Variants in DLGAP1 observed in about 807,000 individuals in gnomAD.
The protein encoded by DLGAP1 is DLG associated protein 1.
Under a neutral mutation model 90.8 loss-of-function variants are expected in DLGAP1, and 11 were observed. That is an observed-to-expected ratio of 0.12 (90% CI 0.08 to 0.20). The LOEUF (loss-of-function observed/expected upper bound fraction) is 0.20, where lower values mean the gene tolerates loss of function less well. Ranked by LOEUF, DLGAP1 falls within the 10% of genes least tolerant of loss-of-function variation. The probability of loss-of-function intolerance (pLI) is 1.00; values close to 1 mark genes in which losing one functional copy is unlikely to be tolerated. For missense variants in DLGAP1, 1,050 were observed against 1,333.8 expected (o/e 0.79, Z 3.31); for synonymous variants, 558 against 540.7 (o/e 1.03, Z -0.44).
chr18:4,429,084 T>C (rs749898992), intron 1 of DLGAP1, among the ~76,000 whole-genome samples: 1 of 152,228 alleles, frequency 6.6e-6, no homozygotes, highest in Non-Finnish European at 1.5e-5. Flanking sequence ...AGAGTTACTG[T>C]GTTATTACCT....
At chr18:3,872,444 T>G (rs2148804324) in intron 4 of DLGAP1, among the ~76,000 whole-genome samples, 1 of 152,218 alleles carries the variant, frequency 6.6e-6, no homozygotes, top group East Asian at 1.9e-4. Context: ...AATTACCTAT[T>G]GTGGTTTTAA....
At chr18:3,851,046 A>T (rs2069309053) in intron 4 of DLGAP1, among the ~76,000 whole-genome samples, 1 of 152,210 alleles carries the variant, frequency 6.6e-6, no homozygotes, top group South Asian at 2.1e-4. Context: ...CAGCAAAACC[A>T]GCAGAAAATC....
At chr18:4,395,266 G>A (rs774892619) in intron 1 of DLGAP1, among the ~76,000 whole-genome samples, 15 of 152,276 alleles carry the variant, frequency 9.9e-5, no homozygotes, top group Admixed American at 2.0e-4. Context: ...TAACTTTTAT[G>A]TAATATTTTC....
chr18:3,859,839 G>A (rs1024083776), intron 4 of DLGAP1, among the ~76,000 whole-genome samples: 1 of 152,108 alleles, frequency 6.6e-6, no homozygotes, highest in Non-Finnish European at 1.5e-5. Context: ...GGTGGCTCAC[G>A]CCTGTAATCC....
chr18:4,039,934 T>C (rs950440319), intron 2 of DLGAP1, among the ~76,000 whole-genome samples: 1 of 152,248 alleles, frequency 6.6e-6, no homozygotes, highest in Non-Finnish European at 1.5e-5. Flanking sequence ...GTCAGCATCA[T>C]ACATTTCCAT....
In DLGAP1 at chr18:4,342,141, T is replaced by C. The variant is rs889998340; in HGVS notation, c.-267+112865A>G. ...GAATTTTAAAAGACACAAGATTCAA[T>C]ACCTGGCAATATTCAACAGACTCAA... is the stretch of plus-strand genomic sequence containing the variant. On this transcript the variant is annotated intron_variant, in intron 1 of 12. Transcript: ENST00000315677. This position sits in a 1 kb window ranked among gnomAD's most constrained non-coding sequence, Gnocchi z 5.8. Among the ~76,000 whole-genome samples, 7 of 152,124 alleles carry C rather than the reference T, an allele frequency of 4.6e-5. No individual in the cohort carries two copies. The highest frequency in any genetic ancestry group is 2.0e-4 in the Admixed American group (3 of 15,280).
chr18:3,588,399 C>T (rs995144737), intron 7 of DLGAP1, among the ~76,000 whole-genome samples: 3 of 151,120 alleles, frequency 2.0e-5, no homozygotes, highest in African/African-American at 7.3e-5. Context: ...GCGGAGGTTG[C>T]GGTGAGCCGA....
intron 1 of DLGAP1, among the ~76,000 whole-genome samples, chr18:4,445,022 C>A (rs2083626621): frequency 6.6e-6 from 1 of 152,198 alleles, no homozygotes; most frequent in African/African-American, 2.4e-5. Flanking sequence ...CTACTAGTAT[C>A]ATGAATCTGT....
chr18:4,333,387 T>C (rs2080993104), intron 1 of DLGAP1, among the ~76,000 whole-genome samples: 1 of 151,768 alleles, frequency 6.6e-6, no homozygotes, highest in African/African-American at 2.4e-5. Context: ...ACTATACAAG[T>C]GCTTTTCACG....
At chr18:3,822,677 G>A (rs898164791) in intron 4 of DLGAP1, among the ~76,000 whole-genome samples, 11 of 152,146 alleles carry the variant, frequency 7.2e-5, no homozygotes, top group African/African-American at 2.7e-4. Flanking sequence ...AAGTGCAAAT[G>A]CCACTGATAA....
rs142974326 is a variant in DLGAP1 at position 4,427,807 on chromosome 18, A to G, written c.-267+27199T>C. Among the ~76,000 whole-genome samples the G allele has an allele frequency of 2.6e-5, 4 of 152,312 alleles. No homozygotes were observed. In the East Asian group the frequency reaches 7.7e-4, roughly 29 times the overall value. On this transcript the variant is annotated intron_variant, in intron 1 of 12. Transcript: ENST00000315677. ...AAGATAAATGTGGTTGCCAAATGTT[A>G]TCATTTTTGATTACTGATAGGTGAC... is the stretch of plus-strand genomic sequence containing the variant.
chr18:3,834,305 C>CAAAAAAAAA (rs35630074), intron 4 of DLGAP1, among the ~76,000 whole-genome samples: 1 of 33,164 alleles, frequency 3.0e-5, no homozygotes, highest in Non-Finnish European at 5.9e-5. Flanking sequence ...GACTCTGTCT[C>CAAAAAAAAA]AAAAAAAAAA....
Position 3,720,888 on chromosome 18 carries a change from C to CAAAAAAAAAAAAAAAAAAAAA in DLGAP1, c.1591+8226_1591+8246dup, listed in dbSNP as rs1186426563. Among the ~76,000 whole-genome samples the CAAAAAAAAAAAAAAAAAAAAA allele has an allele frequency of 1.0e-3, 51 of 50,302 alleles. 2 individuals are homozygous for CAAAAAAAAAAAAAAAAAAAAA. The highest frequency in any genetic ancestry group is 2.0e-3 in the East Asian group (3 of 1,514). The allele number at this position is 50,302 out of a possible 152,430, so 33.0% of individuals were successfully genotyped here. ...GCAACATACTAAGACCTTGTCTCTA[C>CAAAAAAAAAAAAAAAAAAAAA]AAAAAAAAAAAAAAAAAAAAATTAG... On this transcript the variant is annotated intron_variant, in intron 7 of 12. Transcript: ENST00000315677.
intron 2 of DLGAP1, among the ~76,000 whole-genome samples, chr18:4,101,786 TAC>T (rs2075782141): frequency 6.6e-6 from 1 of 151,988 alleles, no homozygotes; most frequent in Non-Finnish European, 1.5e-5. Flanking sequence ...TTAATAATTA[TAC>T]ACACATATAT....
chr18:3,640,811 T>G (rs2058910482), intron 7 of DLGAP1, among the ~76,000 whole-genome samples: 1 of 152,276 alleles, frequency 6.6e-6, no homozygotes, highest in Non-Finnish European at 1.5e-5. Flanking sequence ...CTGTTACTAT[T>G]ACAAGTACTA....
intron 1 of DLGAP1, among the ~76,000 whole-genome samples, chr18:4,245,753 T>A (rs1173448189): frequency 6.6e-6 from 1 of 151,668 alleles, no homozygotes; most frequent in Non-Finnish European, 1.5e-5. Context: ...TTTTCTGCTA[T>A]TTCTAGAGAG....
At chr18:3,837,695 A>T (rs1568218022) in intron 4 of DLGAP1, among the ~76,000 whole-genome samples, 1 of 151,252 alleles carries the variant, frequency 6.6e-6, no homozygotes, top group Admixed American at 6.6e-5. Context: ...CTAAAAATAC[A>T]AAAAAAATTA....
At chr18:3,564,595 C>T (rs1007407248) in intron 9 of DLGAP1, among the ~76,000 whole-genome samples, 2 of 152,130 alleles carry the variant, frequency 1.3e-5, no homozygotes, top group Non-Finnish European at 2.9e-5. Context: ...CTGATATTCA[C>T]TTTGAGGACC....
chr18:3,741,171 CATCACCACCACCACCACCACCACCACCAA>C (rs2062976183), intron 6 of DLGAP1, among the ~76,000 whole-genome samples: 3 of 66,322 alleles, frequency 4.5e-5, no homozygotes, highest in Non-Finnish European at 9.4e-5. Context: ...ATCACCACCA[CATCACCACCACCACCACCACCACCACCAA>C]ATCACCACCA....
Sources: allele counts gnomAD v4.1 joint callset (sites outside exome capture counted in the v4.1 genomes callset), GRCh38; gene constraint gnomAD v4.1.1; non-coding constraint Gnocchi (gnomAD v3.1); transcripts MANE v1.5; gene names NCBI Gene and HGNC (gene_info 2026-07-23, HGNC 2026-07-21).